ZNF469: variants seen among roughly 807,000 people sequenced by gnomAD.
ZNF469 encodes zinc finger protein 469.
In ZNF469, 1 loss-of-function variant was observed where a neutral mutation model predicts 1.0. The observed-to-expected ratio is 1.00, with a 90% CI of 0.35 to 4.73. The LOEUF is 4.73. Ranked by LOEUF, ZNF469 falls within the 30% of genes most tolerant of loss-of-function variation. ZNF469 has a pLI of 0.16. For synonymous variants in ZNF469, 2,703 were observed against 2,363.4 expected (o/e 1.14, Z -4.17); for missense variants, 6,100 against 5,356.3 (o/e 1.14, Z -4.33).
chr16:88,287,732 C>T, the ZNF469 span, among the ~76,000 whole-genome samples: 11 of 152,284 alleles, frequency 7.2e-5, no homozygotes, highest in South Asian at 4.1e-4. Context: ...GCTGGTGTGA[C>T]GCTACTTCTT....
At chr16:88,336,815 A>G in the ZNF469 span, among the ~76,000 whole-genome samples, 10 of 152,202 alleles carry the variant, frequency 6.6e-5, no homozygotes, top group Non-Finnish European at 1.3e-4. Flanking sequence ...TCATTCCAGA[A>G]CAGGTCATCA....
rs1904819893 is a variant in ZNF469, at chr16:88,400,376, A to G, written c.-192+17122A>G. 5.9e-5 allele frequency among the ~76,000 whole-genome samples: 9 copies of G among 152,140 alleles called. 1 individual carries two copies. Among genetic ancestry groups the G allele is most frequent in the Admixed American group, 5.2e-4 (8 of 15,266 alleles). On this transcript the variant is annotated intron_variant, in intron 1 of 2. Coordinates refer to ENST00000565624, the MANE Select transcript of ZNF469 (RefSeq NM_001367624.2). ...ATTGGCCTACCAGGACAACGGCTCC[A>G]TTTTCCAGATGGGGAGACTGAGGCC...
chr16:88,212,818 A>C, the ZNF469 span, among the ~76,000 whole-genome samples: 5,725 of 152,052 alleles, frequency 0.038, 169 homozygotes, highest in Non-Finnish European at 0.054. Context: ...TCCTGGGCTC[A>C]AGCAATCCGC....
upstream of ZNF469, among the ~76,000 whole-genome samples, chr16:88,380,132 C>A (rs1270329218): frequency 1.8e-5 from 2 of 108,814 alleles, no homozygotes; most frequent in Non-Finnish European, 3.3e-5. Context: ...AACACACACA[C>A]AGACACACAC....
chr16:88,132,797 A>G, the ZNF469 span, among the ~76,000 whole-genome samples: 1 of 152,094 alleles, frequency 6.6e-6, no homozygotes, highest in Non-Finnish European at 1.5e-5. Context: ...CTTCCTCTTT[A>G]GTGAAGTCAG....
At chr16:88,182,474 G>T in the ZNF469 span, among the ~76,000 whole-genome samples, 5 of 151,856 alleles carry the variant, frequency 3.3e-5, no homozygotes, top group African/African-American at 1.2e-4. Flanking sequence ...ATTCACACTT[G>T]ATTTTTGCAA....
At chr16:88,115,768 C>G in the ZNF469 span, among the ~76,000 whole-genome samples, 1 of 151,976 alleles carries the variant, frequency 6.6e-6, no homozygotes, top group Non-Finnish European at 1.5e-5. Flanking sequence ...CATACTCCCT[C>G]CGGAGGCTCT....
chr16:88,405,629 C>T (rs1386653795), intron 1 of ZNF469, among the ~76,000 whole-genome samples: 1 of 152,194 alleles, frequency 6.6e-6, no homozygotes, highest in African/African-American at 2.4e-5. Flanking sequence ...TTTCACCAAA[C>T]ACCCATGAGA....
chr16:88,121,377 C>G, the ZNF469 span, among the ~76,000 whole-genome samples: 2 of 152,210 alleles, frequency 1.3e-5, no homozygotes, highest in African/African-American at 4.8e-5. Context: ...AAGAGAGAAA[C>G]TAAGCCGCTG....
the ZNF469 span, among the ~76,000 whole-genome samples, chr16:88,144,642 T>C: frequency 2.0e-5 from 3 of 152,254 alleles, no homozygotes; most frequent in Non-Finnish European, 4.4e-5. Context: ...TTAAGACGTA[T>C]GTTCTCTCTG....
At chr16:88,149,396 G>T in the ZNF469 span, among the ~76,000 whole-genome samples, 1 of 152,264 alleles carries the variant, frequency 6.6e-6, no homozygotes, top group South Asian at 2.1e-4. Flanking sequence ...TTATCTGTCA[G>T]GCCGGTGTCT....
chr16:88,305,101 G>A, the ZNF469 span, among the ~76,000 whole-genome samples: 1 of 152,150 alleles, frequency 6.6e-6, no homozygotes, highest in Non-Finnish European at 1.5e-5. Flanking sequence ...GCATCAGCAG[G>A]AGTGATGCCC....
Position 88,438,491 on chromosome 16 carries a change from C to T in ZNF469, c.11021C>T (p.Ala3674Val), listed in dbSNP as rs368960114. ...AFHKGSATKP[A>V]GCQSSSKDRS... ...CACAAGGGCAGCGCCACCAAGCCTG[C>T]GGGCTGCCAGAGCTCATCAAAGGAC... Residue 3674 changes from alanine (A) to valine (V), a missense_variant, in exon 3 of 3, where the codon GCG becomes GTG. Physicochemically the swap from Ala to Val is moderately conservative, Grantham distance 64. Coordinates refer to ENST00000565624, the MANE Select transcript of ZNF469 (RefSeq NM_001367624.2). The T allele has an allele frequency of 2.8e-5, 44 of 1,550,080 alleles. No homozygotes were observed. In the African/African-American group the frequency reaches 4.1e-4, roughly 14 times the overall value.
upstream of ZNF469, among the ~76,000 whole-genome samples, chr16:88,381,872 G>A (rs915750412): frequency 9.2e-5 from 14 of 152,254 alleles, no homozygotes; most frequent in Non-Finnish European, 2.9e-5. Flanking sequence ...ATTGGGGGAG[G>A]GGCAGGCCCA....
At chr16:88,216,491 C>A in the ZNF469 span, among the ~76,000 whole-genome samples, 4 of 60,234 alleles carry the variant, frequency 6.6e-5, no homozygotes, top group African/African-American at 1.8e-4. Flanking sequence ...GAGACTCCGT[C>A]TCAAAAAAAA....
the ZNF469 span, among the ~76,000 whole-genome samples, chr16:88,325,210 GCA>G: frequency 7.1e-6 from 1 of 140,850 alleles, no homozygotes; most frequent in Admixed American, 6.7e-5. Context: ...GGTCGCGACA[GCA>G]GCTGTGACAT....
intron 1 of ZNF469, among the ~76,000 whole-genome samples, chr16:88,398,428 A>G (rs1370251123): frequency 6.6e-6 from 1 of 150,902 alleles, no homozygotes; most frequent in Non-Finnish European, 1.5e-5. Flanking sequence ...CATGTGGGCC[A>G]CGGATGAAGG....
chr16:88,231,626 C>A, the ZNF469 span, among the ~76,000 whole-genome samples: 2 of 152,184 alleles, frequency 1.3e-5, no homozygotes, highest in Non-Finnish European at 2.9e-5. The surrounding 1 kb of genome is among the most constrained non-coding windows in gnomAD (Gnocchi z 4.5). Flanking sequence ...GGCCCTTCCT[C>A]CACCTTCCAG....
the ZNF469 span, among the ~76,000 whole-genome samples, chr16:88,290,074 C>T: frequency 2.6e-5 from 4 of 152,164 alleles, no homozygotes; most frequent in East Asian, 1.9e-4. Context: ...CAGACAGCAG[C>T]GATGGACATC....
Sources: allele counts gnomAD v4.1 joint callset (sites outside exome capture counted in the v4.1 genomes callset), GRCh38; gene constraint gnomAD v4.1.1; non-coding constraint Gnocchi (gnomAD v3.1); transcripts MANE v1.5; gene names NCBI Gene and HGNC (gene_info 2026-07-23, HGNC 2026-07-21).